Variants in ASAP1 observed in about 807,000 individuals in gnomAD.
ASAP1 encodes ArfGAP with SH3 domain, ankyrin repeat and PH domain 1, also known as arf-GAP with SH3 domain, ANK repeat and PH domain-containing protein 1.
In ASAP1, 43 loss-of-function variants were observed where a neutral mutation model predicts 145.2. That is an observed-to-expected ratio of 0.30 (90% CI 0.23 to 0.38). The LOEUF (loss-of-function observed/expected upper bound fraction) is 0.38, where lower values mean the gene tolerates loss of function less well. ASAP1 is among the 10% of genes least tolerant of loss of function. The pLI is 1.00. For missense variants in ASAP1, 1,018 were observed against 1,355.3 expected (o/e 0.75, Z 3.91); for synonymous variants, 546 against 515.5 (o/e 1.06, Z -0.80).
intron 2 of ASAP1, chr8:130,361,827 T>G: frequency 7.7e-7 from 1 of 1,290,582 alleles, no homozygotes; most frequent in Non-Finnish European, 1.1e-6. Flanking sequence ...TTTCTTTGTG[T>G]GGAGCTGCCC....
At chr8:130,150,677 G>A (rs2135941765) in intron 13 of ASAP1, among the ~76,000 whole-genome samples, 1 of 152,194 alleles carries the variant, frequency 6.6e-6, no homozygotes, top group South Asian at 2.1e-4. Context: ...TCAGGAGCTT[G>A]AGACCAGCTG....
intron 15 of ASAP1, 132 bp downstream of exon 15, chr8:130,134,164 C>A (rs568537993): frequency 1.7e-6 from 1 of 596,856 alleles, no homozygotes. Flanking sequence ...TGTGATGGCC[C>A]ACAGGCGGGA....
Position 130,358,043 on chromosome 8 carries a change from T to C in ASAP1, c.160A>G (p.Arg54Gly). ...TCCTCCAGCAGCGTGACGGTGTTCC[T>C]GCAGTTGTGCAGCCGCGTGGTGAAG... ...SSFTTRLHNC[R>G]NTVTLLEEAL... The change falls in exon 3 of 30, where the codon AGG becomes GGG. Residue 54 changes from arginine (R) to glycine (G), a missense_variant. Around this residue, in one of 9 missense-constraint regions of ASAP1, gnomAD observed 106 missense variants for 134.5 expected, o/e 0.79. Coordinates refer to ENST00000518721, the MANE Select transcript of ASAP1 (RefSeq NM_018482.4). The surrounding 1 kb of genome is among the most constrained non-coding windows in gnomAD (Gnocchi z 4.1). The C allele has an allele frequency of 6.2e-7, 1 of 1,609,588 alleles. No homozygotes were observed. Among genetic ancestry groups the C allele is most frequent in the Non-Finnish European group, 8.5e-7 (1 of 1,178,588 alleles).
chr8:130,238,074 C>T (rs575763828), intron 3 of ASAP1, among the ~76,000 whole-genome samples: 5 of 152,164 alleles, frequency 3.3e-5, no homozygotes, highest in South Asian at 2.1e-4. Flanking sequence ...CTGAAGAAGC[C>T]GAAAGGGATA....
At chr8:130,118,307 T>C (rs118138898) in intron 19 of ASAP1, 61 bp from the exon 20 acceptor site, 68,554 of 1,521,708 alleles carry the variant, frequency 0.045, 1,730 homozygotes, top group Non-Finnish European at 0.052. Context: ...GGAGGCTTCA[T>C]ATATATCAGT....
chr8:130,229,666 T>C (rs1290558324), intron 4 of ASAP1, among the ~76,000 whole-genome samples: 1 of 152,150 alleles, frequency 6.6e-6, no homozygotes, highest in Admixed American at 6.5e-5. Flanking sequence ...TTTACCAAAA[T>C]AAATCATTAA....
rs79091711 is a variant in ASAP1, at chr8:130,115,703, T to G, written c.2097A>C (p.Pro699=). ...TCCACTCATATTCTACGTGGACGTG[T>G]GGATTGAACTTTCCAGATTTAGCCT... The part of the protein sequence containing the change: ...LSQAKSGKFN[P]HVHVEYEWNL... Residue 699 remains proline (P), a synonymous_variant, in exon 23 of 30, where the codon CCA becomes CCC. Coordinates refer to ENST00000518721, the MANE Select transcript of ASAP1 (RefSeq NM_018482.4). 959 of 1,614,134 alleles carry G rather than the reference T, an allele frequency of 5.9e-4. 6 individuals are homozygous for G. The African/African-American group carries it at 0.01, about 18-fold the overall frequency.
intron 24 of ASAP1, among the ~76,000 whole-genome samples, chr8:130,111,820 C>G (rs2097547375): frequency 6.6e-6 from 1 of 152,138 alleles, no homozygotes; most frequent in African/African-American, 2.4e-5. Context: ...TTAGTTTCCT[C>G]TTCTGTAAAA....
At chr8:130,371,754 C>T (rs934077160) in intron 2 of ASAP1, among the ~76,000 whole-genome samples, 1 of 152,192 alleles carries the variant, frequency 6.6e-6, no homozygotes, top group African/African-American at 2.4e-5. Context: ...GGCTTGGGCT[C>T]CTGATAACCA....
chr8:130,376,052 A>G (rs1827475506), intron 2 of ASAP1, among the ~76,000 whole-genome samples: 1 of 152,226 alleles, frequency 6.6e-6, no homozygotes, highest in Non-Finnish European at 1.5e-5. Flanking sequence ...ACAAAAAGAC[A>G]TAATCAATTT....
chr8:130,317,801 A>T (rs147520894), intron 3 of ASAP1, among the ~76,000 whole-genome samples: 72 of 152,310 alleles, frequency 4.7e-4, no homozygotes, highest in Non-Finnish European at 8.4e-4. Context: ...GGCTGAAGTG[A>T]TGAACATGGC....
chr8:130,193,972 G>A (rs1405147503), intron 5 of ASAP1, among the ~76,000 whole-genome samples: 1 of 152,146 alleles, frequency 6.6e-6, no homozygotes, highest in Non-Finnish European at 1.5e-5. Flanking sequence ...TTACAGGCGT[G>A]AGCAACCATG....
chr8:130,175,820 AAC>A, intron 9 of ASAP1, among the ~76,000 whole-genome samples: 2 of 152,344 alleles, frequency 1.3e-5, no homozygotes, highest in Middle Eastern at 3.4e-3. Context: ...TAAATGAGAA[AAC>A]ACATGTAAGG....
chr8:130,314,758 C>A (rs533536496), intron 3 of ASAP1, among the ~76,000 whole-genome samples: 2 of 152,370 alleles, frequency 1.3e-5, no homozygotes, highest in East Asian at 3.9e-4. Context: ...AGCTAAGCCA[C>A]AGATACTAAA....
chr8:130,307,567 C>T (rs1823069123), intron 3 of ASAP1, among the ~76,000 whole-genome samples: 1 of 152,046 alleles, frequency 6.6e-6, no homozygotes, highest in Non-Finnish European at 1.5e-5. Context: ...TTTTTTCTCC[C>T]CAACACCCAA....
rs774040354 is a variant in ASAP1, at chr8:130,188,206, G to A, written c.406-23C>T. On this transcript the variant is annotated intron_variant, in intron 5 of 29. Transcript: ENST00000518721. ...GAGCTGAAAAAGCAAAGGGAAGATG[G>A]GAGATGGTTAAAAAATAAAGTCCAC... 2.5e-6 allele frequency: 4 copies of A among 1,584,260 alleles called. No homozygotes were observed. In the South Asian group the frequency reaches 3.3e-5, roughly 13 times the overall value.
chr8:130,225,435 T>C (rs1430715235), intron 4 of ASAP1, among the ~76,000 whole-genome samples: 2 of 152,248 alleles, frequency 1.3e-5, no homozygotes, highest in African/African-American at 4.8e-5. Flanking sequence ...AGTAAGTTAT[T>C]AAACTTTTTA....
intron 3 of ASAP1, among the ~76,000 whole-genome samples, chr8:130,245,208 A>T (rs1300216845): frequency 6.6e-6 from 1 of 152,160 alleles, no homozygotes; most frequent in Non-Finnish European, 1.5e-5. Flanking sequence ...TGATTTGCAT[A>T]ACACAGCCCC....
chr8:130,187,532 C>T (rs1312250791), intron 6 of ASAP1, among the ~76,000 whole-genome samples: 3 of 151,894 alleles, frequency 2.0e-5, no homozygotes, highest in Non-Finnish European at 4.4e-5. Flanking sequence ...CTTCCCACCT[C>T]AGCTTCCTGA....
Sources: allele counts gnomAD v4.1 joint callset (sites outside exome capture counted in the v4.1 genomes callset), GRCh38; gene constraint gnomAD v4.1.1; regional missense constraint gnomAD v4.1.1; non-coding constraint Gnocchi (gnomAD v3.1); transcripts MANE v1.5; gene names NCBI Gene and HGNC (gene_info 2026-07-23, HGNC 2026-07-21).